The following TRAP1 variants were observed in gnomAD, a reference collection of about 807,000 sequenced individuals.
TRAP1 encodes heat shock protein 75 kDa, mitochondrial.
Under a neutral mutation model 89.1 loss-of-function variants are expected in TRAP1, and 102 were observed. That is an observed-to-expected ratio of 1.15 (90% CI 0.98 to 1.35). The LOEUF is 1.35. Ranked by LOEUF, TRAP1 falls within the 40% of genes most tolerant of loss-of-function variation. The pLI is 0.00. For synonymous variants in TRAP1, 508 were observed against 388.0 expected (o/e 1.31, Z -3.64); for missense variants, 1,256 against 945.3 (o/e 1.33, Z -4.31).
At chr16:3,667,150 A>C (rs981278300) in intron 11 of TRAP1, among the ~76,000 whole-genome samples, 2 of 152,034 alleles carry the variant, frequency 1.3e-5, no homozygotes, top group Non-Finnish European at 2.9e-5. Context: ...CATGGTTGGG[A>C]AGAGCCTGGT....
Position 3,689,112 on chromosome 16 carries a change from C to G in TRAP1, c.273G>C (p.Gln91His), listed in dbSNP as rs1484326372. Residue 91 changes from glutamine (Q) to histidine (H), a missense_variant, in exon 3 of 18, where the codon CAG becomes CAC. Transcript: ENST00000246957. ...TGTCCAAAAGCTTCTTTGTCTCGGC[C>G]TGGAACTCATGTTTGGAAGTGGAAC... The part of the protein sequence containing the change: ...VQGSTSKHEF[Q>H]AETKKLLDIV... The G allele has an allele frequency of 6.2e-7, 1 of 1,613,966 alleles. No homozygotes were observed. The highest frequency in any genetic ancestry group is 1.3e-5 in the African/African-American group (1 of 75,022).
At position 3,664,300 on chromosome 16, in the gene TRAP1, CATA is replaced by C; in HGVS notation, c.1540_1542del (p.Tyr514del). The C allele has an allele frequency of 6.2e-7, 1 of 1,606,376 alleles. No individual in the cohort carries two copies. The highest frequency in any genetic ancestry group is 2.2e-5 in the East Asian group (1 of 44,790). ...TCTGTGTCTTTCTTCTTCATGGCCT[CATA>C]GTAGGGTGAGTGCTCTGCCAGGTGA... On this transcript the variant is annotated inframe_deletion, in exon 13 of 18. Transcript: ENST00000246957.
At chr16:3,708,693 G>C (rs981804484) in intron 1 of TRAP1, among the ~76,000 whole-genome samples, 2 of 151,952 alleles carry the variant, frequency 1.3e-5, no homozygotes, top group Non-Finnish European at 2.9e-5. Flanking sequence ...GCGCGTGCCT[G>C]TAATCCCGGC....
At position 3,667,585 on chromosome 16, in the gene TRAP1, A is replaced by G. The variant is rs530524949; in HGVS notation, c.1236-1467T>C. ...GGTTTCGGTGAGCCAATACCTCGCC[A>G]CTGCACTCCAGCCTGAGCAACAGAG... On this transcript the variant is annotated intron_variant, in intron 11 of 17. Coordinates refer to ENST00000246957, the MANE Select transcript of TRAP1 (RefSeq NM_016292.3). 1.6e-4 allele frequency among the ~76,000 whole-genome samples: 24 copies of G among 151,622 alleles called. 1 individual carries two copies. The South Asian group carries it at 4.2e-3, about 27-fold the overall frequency.
intron 1 of TRAP1, among the ~76,000 whole-genome samples, chr16:3,703,576 G>A (rs1253257272): frequency 6.6e-6 from 1 of 151,976 alleles, no homozygotes; most frequent in Non-Finnish European, 1.5e-5. Flanking sequence ...CCAAAAACTG[G>A]CTAATGGACT....
chr16:3,710,862 T>C (rs942759178), intron 1 of TRAP1, among the ~76,000 whole-genome samples: 2 of 126,868 alleles, frequency 1.6e-5, no homozygotes. Context: ...TGTGTGTATA[T>C]ATATATATAT....
rs1447872214 is a variant in TRAP1, at chr16:3,677,513, T to C, written c.689A>G (p.Gln230Arg). Residue 230 changes from glutamine to arginine, a missense_variant, in exon 6 of 18, where the codon CAG (glutamine) becomes CGG (arginine). Transcript: ENST00000246957. ...RSAAPGSLGY[Q>R]WLSDGSGVFE... Reference sequence around the variant, plus strand: ...CGTCACTCACCCATCTGAAAGCCACTGGTAACCCAGGCTCCCCGGGGCTGC... The same window carrying C: ...CGTCACTCACCCATCTGAAAGCCACCGGTAACCCAGGCTCCCCGGGGCTGC... 2 of 1,614,200 alleles carry C rather than the reference T, an allele frequency of 1.2e-6. No homozygotes were observed. Among genetic ancestry groups the C allele is most frequent in the Non-Finnish European group, 8.5e-7 (1 of 1,180,034 alleles).
intron 1 of TRAP1, among the ~76,000 whole-genome samples, chr16:3,700,753 A>G (rs1196258169): frequency 6.6e-6 from 1 of 152,200 alleles, no homozygotes; most frequent in East Asian, 1.9e-4. Context: ...GAAGTGAGCC[A>G]CCGCACCTGG....
At chr16:3,699,574 C>T (rs1477042976) in intron 1 of TRAP1, among the ~76,000 whole-genome samples, 2 of 143,284 alleles carry the variant, frequency 1.4e-5, no homozygotes, top group African/African-American at 2.6e-5. Context: ...TGCGGTGAGC[C>T]GAGATTGTGC....
chr16:3,708,389 A>G (rs1159064120), intron 1 of TRAP1, among the ~76,000 whole-genome samples: 2 of 152,154 alleles, frequency 1.3e-5, no homozygotes, highest in African/African-American at 2.4e-5. Flanking sequence ...CTGTAATGCC[A>G]ACACTTTGGG....
chr16:3,671,620 T>C, intron 11 of TRAP1, 102 bp downstream of exon 11: 1 of 1,317,532 alleles, frequency 7.6e-7, no homozygotes, highest in South Asian at 1.2e-5. Context: ...CGACCACCTC[T>C]GCTCTCAGCT....
intron 1 of TRAP1, among the ~76,000 whole-genome samples, chr16:3,693,682 A>G (rs1354222889): frequency 6.6e-6 from 1 of 152,192 alleles, no homozygotes; most frequent in Non-Finnish European, 1.5e-5. Flanking sequence ...ACCACAAACT[A>G]GGCAGTTTCA....
intron 1 of TRAP1, among the ~76,000 whole-genome samples, chr16:3,704,638 A>T (rs1039188338): frequency 6.6e-6 from 1 of 152,162 alleles, no homozygotes; most frequent in Non-Finnish European, 1.5e-5. Context: ...GGCTCCCTCG[A>T]GCTCAGGAGC....
At chr16:3,658,619 G>T (rs1226491611) in intron 17 of TRAP1, 174 bp downstream of exon 17, 1 of 643,294 alleles carries the variant, frequency 1.6e-6, no homozygotes, top group Non-Finnish European at 2.7e-6. Flanking sequence ...GTTGTAGTGA[G>T]CCAAGATCGC....
chr16:3,679,658 A>G, intron 5 of TRAP1, 61 bp downstream of exon 5: 1 of 1,570,832 alleles, frequency 6.4e-7, no homozygotes. Flanking sequence ...GGCCACCCCT[A>G]CTGGAGGGAT....
intron 3 of TRAP1, 46 bp downstream of exon 3, chr16:3,689,009 G>GA: frequency 1.3e-6 from 2 of 1,548,708 alleles, no homozygotes; most frequent in African/African-American, 1.4e-5. Context: ...CCAGCTTTGT[G>GA]AAAAGAAACT....
intron 3 of TRAP1, among the ~76,000 whole-genome samples, chr16:3,688,404 G>C (rs922460055): frequency 1.3e-5 from 2 of 152,182 alleles, no homozygotes; most frequent in African/African-American, 4.8e-5. Flanking sequence ...CCTGCAGGTA[G>C]TCCCACCAGG....
chr16:3,679,177 G>A (rs1003900804), intron 5 of TRAP1, among the ~76,000 whole-genome samples: 2 of 152,092 alleles, frequency 1.3e-5, no homozygotes, highest in African/African-American at 4.8e-5. Flanking sequence ...TGTAATCCCA[G>A]CTACTTGGGA....
At chr16:3,709,583 A>G (rs1010123001) in intron 1 of TRAP1, among the ~76,000 whole-genome samples, 10 of 152,176 alleles carry the variant, frequency 6.6e-5, no homozygotes, top group African/African-American at 1.4e-4. Context: ...ACCCCAGAAT[A>G]TAAGTGGAAA....
Sources: gnomAD v4.1 joint callset for allele counts (sites outside exome capture counted in the v4.1 genomes callset) on GRCh38, gnomAD v4.1.1 for gene constraint, MANE v1.5 for transcripts, NCBI Gene and HGNC (gene_info 2026-07-23, HGNC 2026-07-21) for gene names.